Variants in MAGI2 observed in about 807,000 individuals in gnomAD.
The protein encoded by MAGI2 is membrane-associated guanylate kinase, WW and PDZ domain-containing protein 2.
A neutral mutation model predicts 133.3 loss-of-function variants in MAGI2; 35 were observed. The observed-to-expected ratio is 0.26, with a 90% CI of 0.20 to 0.35. MAGI2 has a LOEUF of 0.35. MAGI2 is among the 10% of genes least tolerant of loss of function. The pLI is 1.00. For synonymous variants in MAGI2, 729 were observed against 710.6 expected, an observed-to-expected ratio of 1.03 and a Z score of -0.41; for missense variants, 1,636 against 1,863.4, an observed-to-expected ratio of 0.88 and a Z score of 2.25.
intron 2 of MAGI2, among the ~76,000 whole-genome samples, chr7:78,776,398 T>C (rs747663068): frequency 1.3e-5 from 2 of 152,248 alleles, no homozygotes; most frequent in Non-Finnish European, 2.9e-5. Flanking sequence ...TTCTTTATAA[T>C]TGATCCATAG....
intron 3 of MAGI2, among the ~76,000 whole-genome samples, chr7:78,529,667 GGTTT>G (rs1797276248): frequency 1.1e-4 from 6 of 56,320 alleles, no homozygotes; most frequent in African/African-American, 3.9e-4. Context: ...TAAAGGAGAT[GGTTT>G]TTTTTTTTTT....
At chr7:78,773,001 C>T (rs1297914112) in intron 2 of MAGI2, among the ~76,000 whole-genome samples, 5 of 152,182 alleles carry the variant, frequency 3.3e-5, no homozygotes, top group African/African-American at 7.2e-5. Context: ...TTCCCTACTT[C>T]ACCCACTGGC....
At chr7:78,846,008 T>C (rs900652238) in intron 2 of MAGI2, among the ~76,000 whole-genome samples, 1 of 151,928 alleles carries the variant, frequency 6.6e-6, no homozygotes, top group Non-Finnish European at 1.5e-5. Flanking sequence ...TGATATGAAA[T>C]ATTACTGAAT....
chr7:79,299,340 T>C (rs1585479935), intron 1 of MAGI2, among the ~76,000 whole-genome samples: 1 of 150,840 alleles, frequency 6.6e-6, no homozygotes, highest in Non-Finnish European at 1.5e-5. Flanking sequence ...TGACATAGAG[T>C]GTTGTGAAAA....
chr7:78,761,613 CCAT>C (rs995321698), intron 2 of MAGI2, among the ~76,000 whole-genome samples: 1 of 151,898 alleles, frequency 6.6e-6, no homozygotes, highest in Non-Finnish European at 1.5e-5. Flanking sequence ...TTACAGGAGC[CCAT>C]CATCATACCT....
intron 11 of MAGI2, 124 bp downstream of exon 11, chr7:78,201,037 AT>A (rs1279908382): frequency 1.9e-4 from 121 of 629,142 alleles, no homozygotes; most frequent in Middle Eastern, 4.0e-4. Context: ...CAGAGGATTT[AT>A]TTTTTTTACA....
At chr7:79,205,272 C>G (rs982011129) in intron 1 of MAGI2, among the ~76,000 whole-genome samples, 1 of 151,942 alleles carries the variant, frequency 6.6e-6, no homozygotes, top group Non-Finnish European at 1.5e-5. Context: ...CCAATAGAGA[C>G]AGCACCAGAC....
At chr7:78,032,945 A>G (rs1163482712) in intron 21 of MAGI2, among the ~76,000 whole-genome samples, 1 of 152,074 alleles carries the variant, frequency 6.6e-6, no homozygotes, top group African/African-American at 2.4e-5. Context: ...GCTTCAAGAG[A>G]GAGTCTGGAT....
intron 16 of MAGI2, among the ~76,000 whole-genome samples, chr7:78,154,383 G>T (rs1824180756): frequency 6.6e-6 from 1 of 152,222 alleles, no homozygotes; most frequent in African/African-American, 2.4e-5. Flanking sequence ...CTGGAGGATT[G>T]CGAGGAGCCA....
chr7:78,645,929 G>A (rs1810841103), intron 2 of MAGI2, among the ~76,000 whole-genome samples: 1 of 152,040 alleles, frequency 6.6e-6, no homozygotes, highest in South Asian at 2.1e-4. Flanking sequence ...AGTAGAGATG[G>A]TATTTCGCCA....
intron 1 of MAGI2, among the ~76,000 whole-genome samples, chr7:79,305,400 T>C (rs970872409): frequency 1.3e-5 from 2 of 152,186 alleles, no homozygotes; most frequent in African/African-American, 4.8e-5. Context: ...ATAATAATGG[T>C]ATAACACTTG....
At chr7:78,468,938 T>G (rs1790917839) in intron 6 of MAGI2, among the ~76,000 whole-genome samples, 2 of 152,132 alleles carry the variant, frequency 1.3e-5, no homozygotes, top group Non-Finnish European at 2.9e-5. Context: ...GAATTTCAGG[T>G]ACCATGTTCA....
chr7:78,330,964 C>T (rs1038512978), intron 9 of MAGI2, among the ~76,000 whole-genome samples: 9 of 152,138 alleles, frequency 5.9e-5, no homozygotes, highest in South Asian at 2.1e-4. Context: ...TGCGTATACA[C>T]GTGCATGTGT....
intron 12 of MAGI2, among the ~76,000 whole-genome samples, chr7:78,191,957 G>C (rs2150729262): frequency 6.6e-6 from 1 of 152,302 alleles, no homozygotes; most frequent in Non-Finnish European, 1.5e-5. Flanking sequence ...TAGGGGACTG[G>C]TGACTTGAAT....
intron 1 of MAGI2, among the ~76,000 whole-genome samples, chr7:79,026,464 A>G (rs28716458): frequency 0.59 from 89,403 of 151,996 alleles, 26,624 homozygotes; most frequent in East Asian, 0.63. Flanking sequence ...TGGACACACA[A>G]CACATGGATT....
chr7:78,672,832 C>G (rs1048552366), intron 2 of MAGI2, among the ~76,000 whole-genome samples: 1 of 152,152 alleles, frequency 6.6e-6, no homozygotes, highest in South Asian at 2.1e-4. Flanking sequence ...TGTTTGCACA[C>G]ACTCCCTTAG....
chr7:79,334,026 G>C (rs1344434476), intron 1 of MAGI2, among the ~76,000 whole-genome samples: 1 of 152,124 alleles, frequency 6.6e-6, no homozygotes, highest in South Asian at 2.1e-4. Flanking sequence ...CAATGAAATA[G>C]GTTTGCTATC....
chr7:78,036,373 A>G (rs1489453690), intron 21 of MAGI2, among the ~76,000 whole-genome samples: 1 of 149,562 alleles, frequency 6.7e-6, no homozygotes, highest in Non-Finnish European at 1.5e-5. Flanking sequence ...AGCATCTAAC[A>G]TGGTTTTTGG....
At chr7:79,087,527 G>A (rs897611068) in intron 1 of MAGI2, among the ~76,000 whole-genome samples, 1 of 151,840 alleles carries the variant, frequency 6.6e-6, no homozygotes, top group African/African-American at 2.4e-5. Context: ...TTTAGTTGAG[G>A]CTTTTATAAT....
Sources: gnomAD v4.1 joint callset for allele counts (sites outside exome capture counted in the v4.1 genomes callset) on GRCh38, gnomAD v4.1.1 for gene constraint, MANE v1.5 for transcripts, NCBI Gene and HGNC (gene_info 2026-07-23, HGNC 2026-07-21) for gene names.